MEF2B: variants seen among roughly 807,000 people sequenced by gnomAD.
MEF2B encodes the protein myocyte enhancer factor 2B, also known as myocyte-specific enhancer factor 2B.
MEF2B carries 15 observed loss-of-function variants against 32.2 expected under a neutral mutation model. That is an observed-to-expected ratio of 0.47 (90% confidence interval 0.31 to 0.72). The LOEUF (loss-of-function observed/expected upper bound fraction) is 0.72. Ranked by LOEUF, MEF2B falls within the 30% of genes least tolerant of loss-of-function variation. MEF2B has a pLI of 0.05. For missense variants in MEF2B, 441 were observed against 511.5 expected (o/e 0.86, Z 1.33); for synonymous variants, 205 against 225.6 (o/e 0.91, Z 0.82).
chr19:19,149,463 A>C, intron 2 of MEF2B, 34 bp from the exon 3 acceptor site: 1 of 1,613,022 alleles, frequency 6.2e-7, no homozygotes, highest in Non-Finnish European at 8.5e-7. Flanking sequence ...AGGGGAGAGA[A>C]GAAGAAGAGA....
chr19:19,169,661 C>A (rs546022623), intron 1 of MEF2B, among the ~76,000 whole-genome samples: 5 of 152,268 alleles, frequency 3.3e-5, no homozygotes, highest in South Asian at 4.1e-4. Flanking sequence ...AACAACCACA[C>A]GGGGATGTGA....
chr19:19,167,944 C>G (rs2060222812), intron 1 of MEF2B, among the ~76,000 whole-genome samples: 1 of 152,164 alleles, frequency 6.6e-6, no homozygotes, highest in Non-Finnish European at 1.5e-5. Flanking sequence ...AACCAGCTTC[C>G]TGCTCTCTAA....
At chr19:19,158,179 C>T (rs1206113422) in intron 1 of MEF2B, among the ~76,000 whole-genome samples, 3 of 151,582 alleles carry the variant, frequency 2.0e-5, no homozygotes, top group Non-Finnish European at 2.9e-5. Context: ...CCTCCACTTC[C>T]CGAGTTCAAG....
At position 19,150,913 on chromosome 19, in the gene MEF2B, C is replaced by T. The variant is rs1186951482; in HGVS notation, c.-29-149G>A. On this transcript the variant is annotated intron_variant, in intron 1 of 8. Transcript: ENST00000424583. ...AGGCAGGCTGGGTCACTGTCGCAGACCCCGCCCCCGGCCAGCCTTAGGATG... is the reference window on the plus strand; with the variant it reads ...AGGCAGGCTGGGTCACTGTCGCAGATCCCGCCCCCGGCCAGCCTTAGGATG... 3 of 934,910 alleles carry T rather than the reference C, an allele frequency of 3.2e-6. No individual in the cohort carries two copies. The South Asian group carries it at 4.8e-5, about 15-fold the overall frequency. The allele number at this position is 934,910 out of a possible 1,614,324, so 57.9% of individuals were successfully genotyped here.
chr19:19,150,096 A>G (rs1420034164), intron 2 of MEF2B, among the ~76,000 whole-genome samples: 1 of 147,216 alleles, frequency 6.8e-6, no homozygotes, highest in Non-Finnish European at 1.5e-5. Flanking sequence ...AAAAAAAAAA[A>G]AAAAAAAAAA....
chr19:19,146,753 G>A lies in MEF2B; in HGVS notation c.664C>T (p.Leu222=), dbSNP rs761236034. Residue 222 remains leucine (L), a synonymous_variant, in exon 6 of 9, where the codon CTA becomes TTA. Coordinates refer to ENST00000424583, the MANE Select transcript of MEF2B (RefSeq NM_001145785.2). ...PGGLAGPRGG[L]NTSRSLYSGL... ...CTCCCCTCACTCACGGAGGTGTTTA[G>A]TCCCCCTCGGGGCCCAGCCAGGCCA... 1.9e-6 allele frequency: 3 copies of A among 1,614,002 alleles called. No homozygotes were observed. Among genetic ancestry groups the A allele is most frequent in the Non-Finnish European group, 2.5e-6 (3 of 1,179,938 alleles).
chr19:19,158,800 G>A (rs1415810065), intron 1 of MEF2B, among the ~76,000 whole-genome samples: 2 of 151,470 alleles, frequency 1.3e-5, no homozygotes, highest in African/African-American at 2.4e-5. Flanking sequence ...AGCCAGGCGT[G>A]GTGGTGCACC....
chr19:19,164,926 C>T (rs3890384), intron 1 of MEF2B, among the ~76,000 whole-genome samples: 25,156 of 152,134 alleles, frequency 0.17, 2,399 homozygotes, highest in East Asian at 0.37. Flanking sequence ...GCTCTCCCTG[C>T]GGGGCCTCAG....
At chr19:19,150,403 C>T (rs953039036) in intron 2 of MEF2B, among the ~76,000 whole-genome samples, 4 of 151,464 alleles carry the variant, frequency 2.6e-5, no homozygotes, top group African/African-American at 4.9e-5. Context: ...GGTGCGCACC[C>T]GTAATCCCAG....
chr19:19,148,292 C>T (rs920928848), intron 3 of MEF2B, among the ~76,000 whole-genome samples: 2 of 152,194 alleles, frequency 1.3e-5, no homozygotes, highest in African/African-American at 4.8e-5. Context: ...GGTAAGACCT[C>T]CATCTCTACT....
At chr19:19,162,447 G>C (rs1186806534) in intron 1 of MEF2B, among the ~76,000 whole-genome samples, 1 of 152,184 alleles carries the variant, frequency 6.6e-6, no homozygotes, top group African/African-American at 2.4e-5. Flanking sequence ...GCCTTCCCAA[G>C]GCCGGGTGCT....
chr19:19,158,342 G>C (rs62135491), intron 1 of MEF2B, among the ~76,000 whole-genome samples: 2 of 44 alleles, frequency 0.045, 1 homozygote, highest in Admixed American at 0.33. Flanking sequence ...CCCACCTCAG[G>C]GGCCAAAGTG....
intron 1 of MEF2B, among the ~76,000 whole-genome samples, chr19:19,151,146 C>T (rs1035992249): frequency 5.9e-5 from 9 of 152,194 alleles, no homozygotes; most frequent in Middle Eastern, 3.4e-3. Flanking sequence ...CCAGGTACTC[C>T]GGTGGCTGAA....
intron 1 of MEF2B, among the ~76,000 whole-genome samples, chr19:19,159,917 A>C (rs1261537988): frequency 6.6e-6 from 1 of 150,638 alleles, no homozygotes; most frequent in Non-Finnish European, 1.5e-5. Context: ...GGGGGTGAGA[A>C]TCCTTCTCCC....
chr19:19,147,852 C>T lies in MEF2B; in HGVS notation c.259-20G>A. 6.2e-7 allele frequency: 1 copy of T among 1,609,958 alleles called. No homozygotes were observed. The highest frequency in any genetic ancestry group is 1.1e-5 in the South Asian group (1 of 90,938). ...CAGCGTCTATGGGGACAGGAGACAACAGGGTAGACCCTTACCCCTACCCCA... is the reference window on the plus strand; with the variant it reads ...CAGCGTCTATGGGGACAGGAGACAATAGGGTAGACCCTTACCCCTACCCCA... On this transcript the variant is annotated intron_variant, in intron 3 of 8. Coordinates refer to ENST00000424583, the MANE Select transcript of MEF2B (RefSeq NM_001145785.2).
intron 1 of MEF2B, among the ~76,000 whole-genome samples, chr19:19,168,499 C>T (rs1264837852): frequency 3.9e-5 from 6 of 152,004 alleles, no homozygotes; most frequent in Non-Finnish European, 8.8e-5. Flanking sequence ...TCTCGAACTC[C>T]TGACCTCAGG....
intron 1 of MEF2B, among the ~76,000 whole-genome samples, chr19:19,151,918 T>C (rs2060084296): frequency 6.7e-6 from 1 of 150,242 alleles, no homozygotes; most frequent in African/African-American, 2.4e-5. Flanking sequence ...AGATCAGGAG[T>C]TCGAGACCAG....
chr19:19,167,479 A>C (rs1164837583), intron 1 of MEF2B, among the ~76,000 whole-genome samples: 1 of 151,972 alleles, frequency 6.6e-6, no homozygotes, highest in Non-Finnish European at 1.5e-5. Context: ...CTGAGATCAC[A>C]CCACTTTACT....
chr19:19,145,754 C>CAG lies in MEF2B; in HGVS notation c.*42_*43insCT. On this transcript the variant is annotated 3_prime_UTR_variant, in exon 9 of 9. Coordinates refer to ENST00000424583, the MANE Select transcript of MEF2B (RefSeq NM_001145785.2). This position sits in a 1 kb window ranked among gnomAD's most constrained non-coding sequence, Gnocchi z 4.6. ...AGGTGGGGTCCCCACGTGCCCTCGC[C>CAG]GTACCTGGCGAGCGCTCTGGGCTGG... The CAG allele has an allele frequency of 1.3e-6, 2 of 1,556,890 alleles. No individual in the cohort carries two copies. Among genetic ancestry groups the CAG allele is most frequent in the Non-Finnish European group, 1.7e-6 (2 of 1,150,592 alleles).
Sources: gnomAD v4.1 joint callset for allele counts (sites outside exome capture counted in the v4.1 genomes callset) on GRCh38, gnomAD v4.1.1 for gene constraint, Gnocchi (gnomAD v3.1) non-coding constraint, MANE v1.5 for transcripts, NCBI Gene and HGNC (gene_info 2026-07-23, HGNC 2026-07-21) for gene names.